The following THSD7B variants were observed in gnomAD, a reference collection of about 807,000 sequenced individuals.
The protein encoded by THSD7B is thrombospondin type 1 domain containing 7B.
A neutral mutation model predicts 213.6 loss-of-function variants in THSD7B; 138 were observed. The ratio of observed to expected loss-of-function variants is 0.65; its 90% CI spans 0.56 to 0.74. THSD7B has a LOEUF of 0.74. THSD7B is among the 30% of genes least tolerant of loss of function. The pLI is 0.00. For synonymous variants in THSD7B, 742 were observed against 687.0 expected, an observed-to-expected ratio of 1.08 and a Z score of -1.25; for missense variants, 1,931 against 1,991.5, an observed-to-expected ratio of 0.97 and a Z score of 0.58.
chr2:137,590,059 T>C (rs1681831154), intron 17 of THSD7B, among the ~76,000 whole-genome samples: 1 of 152,186 alleles, frequency 6.6e-6, no homozygotes, highest in Non-Finnish European at 1.5e-5. Flanking sequence ...CTGATTTTTC[T>C]CTTTTGCTAT....
At chr2:137,648,374 T>TC (rs367676465) in intron 21 of THSD7B, among the ~76,000 whole-genome samples, 11 of 143,618 alleles carry the variant, frequency 7.7e-5, no homozygotes, top group Admixed American at 1.4e-4. Flanking sequence ...TGTCTTCATC[T>TC]CCCCCCCTCA....
At chr2:137,378,146 CA>C (rs202030708) in intron 12 of THSD7B, among the ~76,000 whole-genome samples, 2 of 151,734 alleles carry the variant, frequency 1.3e-5, no homozygotes, top group African/African-American at 2.4e-5. Context: ...TTAAAAACAA[CA>C]AAAAAAAGCC....
At chr2:137,112,081 G>C (rs1688357260) in intron 4 of THSD7B, among the ~76,000 whole-genome samples, 1 of 152,134 alleles carries the variant, frequency 6.6e-6, no homozygotes, top group South Asian at 2.1e-4. Flanking sequence ...ACTTCTAAAG[G>C]AGAAAGGGAG....
rs1027042158 is a variant in THSD7B at position 136,959,844 on chromosome 2, G to A, written c.139+77527G>A. 6.6e-5 allele frequency among the ~76,000 whole-genome samples: 10 copies of A among 152,278 alleles called. No homozygotes were observed. The East Asian group carries it at 1.2e-3, about 18-fold the overall frequency. ...CTTGACTAGATTTGAGAACTGTCAAGAAAAACTCTGGAGGGGGATTTCAGA... is the reference window on the plus strand; with the variant it reads ...CTTGACTAGATTTGAGAACTGTCAAAAAAAACTCTGGAGGGGGATTTCAGA... On this transcript the variant is annotated intron_variant, in intron 2 of 27. Transcript: ENST00000409968.
At chr2:137,230,753 A>C (rs1681617313) in intron 7 of THSD7B, among the ~76,000 whole-genome samples, 1 of 152,188 alleles carries the variant, frequency 6.6e-6, no homozygotes, top group Admixed American at 6.5e-5. Context: ...TACTTGTTAT[A>C]TATGGTTGTC....
At chr2:136,994,874 GA>G (rs1685854864) in intron 2 of THSD7B, among the ~76,000 whole-genome samples, 1 of 152,100 alleles carries the variant, frequency 6.6e-6, no homozygotes, top group South Asian at 2.1e-4. Context: ...CTAAAAGTAG[GA>G]AAATCGGCAT....
chr2:136,942,895 G>A (rs558915276), intron 2 of THSD7B, among the ~76,000 whole-genome samples: 89 of 152,304 alleles, frequency 5.8e-4, no homozygotes, highest in Admixed American at 4.6e-3. Context: ...GTGTTGAATA[G>A]GAGTGGTGAG....
chr2:137,224,421 C>T (rs141052422), intron 7 of THSD7B, among the ~76,000 whole-genome samples: 9 of 152,290 alleles, frequency 5.9e-5, no homozygotes, highest in Non-Finnish European at 1.2e-4. Flanking sequence ...TTTGTTCCTA[C>T]ACAGAATGTT....
chr2:137,078,258 G>A (rs377679068), intron 3 of THSD7B, among the ~76,000 whole-genome samples: 19 of 152,280 alleles, frequency 1.2e-4, no homozygotes, highest in East Asian at 9.7e-4. Flanking sequence ...GTCAGATAGC[G>A]TGATGCCTCC....
chr2:137,252,870 C>G (rs1277833490), intron 10 of THSD7B, among the ~76,000 whole-genome samples: 1 of 143,890 alleles, frequency 6.9e-6, no homozygotes, highest in Non-Finnish European at 1.5e-5. Context: ...GGGTGCTAAA[C>G]TATTGGAAGA....
In THSD7B at chr2:137,389,402, A is replaced by ACTTTTTTT; in HGVS notation, c.2501-16211_2501-16210insCTTTTTTT. On this transcript the variant is annotated intron_variant, in intron 12 of 27. Coordinates refer to ENST00000409968, the MANE Select transcript of THSD7B (RefSeq NM_001316349.2). ...GATAGTTTGACCACTTCTTAATGTGATTTTTTTTTTTTTTTTTTTTTTTTT... is the reference window on the plus strand; with the variant it reads ...GATAGTTTGACCACTTCTTAATGTGACTTTTTTTTTTTTTTTTTTTTTTTTTTTTTTTT... Among the ~76,000 whole-genome samples the ACTTTTTTT allele has an allele frequency of 5.3e-5, 2 of 38,052 alleles. 1 individual carries two copies. The highest frequency in any genetic ancestry group is 8.8e-5 in the Non-Finnish European group (2 of 22,804). 25.0% of individuals were successfully genotyped at this position (38,052 alleles called of 152,430 possible). A position where few individuals can be genotyped will look rare whatever the true frequency, so the allele number is the denominator to read the frequency against.
chr2:137,461,173 T>C (rs913397326), intron 15 of THSD7B, among the ~76,000 whole-genome samples: 1 of 152,100 alleles, frequency 6.6e-6, no homozygotes, highest in Non-Finnish European at 1.5e-5. Flanking sequence ...CTATGACCAT[T>C]CTTGTATAAG....
At chr2:137,651,484 G>A (rs1321498314) in intron 21 of THSD7B, among the ~76,000 whole-genome samples, 1 of 151,244 alleles carries the variant, frequency 6.6e-6, no homozygotes, top group Admixed American at 6.6e-5. Context: ...CTAAAAGTTT[G>A]TCAGTTTTGT....
chr2:136,807,434 T>C (rs1682301360), intron 1 of THSD7B, among the ~76,000 whole-genome samples: 1 of 152,062 alleles, frequency 6.6e-6, no homozygotes, highest in South Asian at 2.1e-4. Flanking sequence ...TGAGTTGGCT[T>C]CTGCATTCCT....
chr2:136,968,638 A>G (rs1296889613), intron 2 of THSD7B, among the ~76,000 whole-genome samples: 2 of 152,168 alleles, frequency 1.3e-5, no homozygotes, highest in African/African-American at 4.8e-5. Flanking sequence ...TCAATAATTT[A>G]TGAGTAGTAC....
intron 2 of THSD7B, among the ~76,000 whole-genome samples, chr2:136,989,176 C>G (rs907083402): frequency 2.0e-5 from 3 of 152,138 alleles, no homozygotes; most frequent in African/African-American, 7.2e-5. Flanking sequence ...GAAGGAAGAG[C>G]AAATGCCAAG....
At chr2:137,213,349 T>A (rs1681163779) in intron 7 of THSD7B, among the ~76,000 whole-genome samples, 1 of 123,004 alleles carries the variant, frequency 8.1e-6, no homozygotes, top group Admixed American at 8.4e-5. Flanking sequence ...AATATAATGT[T>A]ATATATATTT....
rs72981614 is a variant in THSD7B at position 136,888,062 on chromosome 2, T to C, written c.139+5745T>C. 9.8e-3 allele frequency among the ~76,000 whole-genome samples: 1,489 copies of C among 152,320 alleles called. 34 individuals are homozygous for C. Among genetic ancestry groups the C allele is most frequent in the African/African-American group, 0.034 (1,433 of 41,576 alleles). ...TTTAAAATATTTACTTGTGCTTTTA[T>C]GTTATACAATTTCTGTATACTTCTC... On this transcript the variant is annotated intron_variant, in intron 2 of 27. Coordinates refer to ENST00000409968, the MANE Select transcript of THSD7B (RefSeq NM_001316349.2).
intron 15 of THSD7B, among the ~76,000 whole-genome samples, chr2:137,476,400 T>C (rs1268827539): frequency 6.6e-6 from 1 of 151,940 alleles, no homozygotes; most frequent in African/African-American, 2.4e-5. Flanking sequence ...CCTGGACCAA[T>C]GTCCTGAAGT....
Sources: gnomAD v4.1 joint callset for allele counts (sites outside exome capture counted in the v4.1 genomes callset) on GRCh38, gnomAD v4.1.1 for gene constraint, MANE v1.5 for transcripts, NCBI Gene and HGNC (gene_info 2026-07-23, HGNC 2026-07-21) for gene names.